CSMD1: variants seen among roughly 807,000 people sequenced by gnomAD.
CSMD1 encodes CUB and Sushi multiple domains 1, also known as CUB and sushi domain-containing protein 1.
A neutral mutation model predicts 417.5 loss-of-function variants in CSMD1; 213 were observed. The ratio of observed to expected loss-of-function variants is 0.51; its 90% confidence interval spans 0.46 to 0.57. CSMD1 has a LOEUF of 0.57. Among genes scored for constraint, CSMD1 ranks in the 20% least tolerant of loss-of-function variants. CSMD1 has a pLI of 0.00. For missense variants in CSMD1, 6,923 were observed against 4,529.7 expected (o/e 1.53, Z -15.17); for synonymous variants, 2,862 against 1,736.8 (o/e 1.65, Z -16.11).
intron 3 of CSMD1, among the ~76,000 whole-genome samples, chr8:4,200,895 A>G (rs975358611): frequency 6.6e-6 from 1 of 152,218 alleles, no homozygotes; most frequent in African/African-American, 2.4e-5. Flanking sequence ...CATCTTTAAG[A>G]AACGCTAAGC....
At chr8:3,694,656 C>G (rs1383222766) in intron 7 of CSMD1, among the ~76,000 whole-genome samples, 2 of 152,006 alleles carry the variant, frequency 1.3e-5, no homozygotes, top group African/African-American at 4.8e-5. Flanking sequence ...GTGGACACAG[C>G]AGTGGAGGAG....
At chr8:3,106,696 G>C in intron 45 of CSMD1, 55 bp from the exon 46 acceptor site, 1 of 1,056,164 alleles carries the variant, frequency 9.5e-7, no homozygotes, top group Non-Finnish European at 1.4e-6. Flanking sequence ...CTGAGTGTGT[G>C]AAGGTGTGAC....
intron 5 of CSMD1, among the ~76,000 whole-genome samples, chr8:3,860,630 T>C (rs1014556352): frequency 1.3e-5 from 2 of 152,138 alleles, no homozygotes; most frequent in Non-Finnish European, 2.9e-5. Flanking sequence ...TTAGTTACAG[T>C]CCATTAATTT....
intron 5 of CSMD1, among the ~76,000 whole-genome samples, chr8:3,977,919 G>C (rs571052973): frequency 9.2e-5 from 14 of 152,260 alleles, no homozygotes; most frequent in Admixed American, 5.9e-4. Flanking sequence ...TTTCATGTCA[G>C]CCACATCGTG....
chr8:4,347,642 G>C (rs142723052), intron 3 of CSMD1, among the ~76,000 whole-genome samples: 1 of 152,172 alleles, frequency 6.6e-6, no homozygotes, highest in South Asian at 2.1e-4. Flanking sequence ...GCAATGAAAG[G>C]AGGAGTGTAA....
chr8:3,960,258 C>G (rs1812233012), intron 5 of CSMD1, among the ~76,000 whole-genome samples: 1 of 152,172 alleles, frequency 6.6e-6, no homozygotes, highest in Non-Finnish European at 1.5e-5. Flanking sequence ...CTGGAAACAG[C>G]AAATCCTAAG....
At chr8:4,323,266 G>A (rs1350943767) in intron 3 of CSMD1, among the ~76,000 whole-genome samples, 3 of 152,148 alleles carry the variant, frequency 2.0e-5, no homozygotes, top group East Asian at 3.9e-4. Context: ...TTAAACGGAA[G>A]TTCTGTAGCA....
intron 26 of CSMD1, among the ~76,000 whole-genome samples, chr8:3,265,798 A>G (rs1801390553): frequency 6.6e-6 from 1 of 152,032 alleles, no homozygotes; most frequent in Admixed American, 6.5e-5. Flanking sequence ...CACCCTCCAC[A>G]CAGTCCTTCA....
At chr8:4,858,375 C>T (rs1363623237) in intron 1 of CSMD1, among the ~76,000 whole-genome samples, 1 of 151,572 alleles carries the variant, frequency 6.6e-6, no homozygotes, top group Non-Finnish European at 1.5e-5. Context: ...TGCCCTCTCT[C>T]ACCACTCCTA....
chr8:3,130,771 C>A (rs1367903101), intron 41 of CSMD1, among the ~76,000 whole-genome samples: 2 of 152,150 alleles, frequency 1.3e-5, no homozygotes, highest in Non-Finnish European at 2.9e-5. Flanking sequence ...CTAAACATCA[C>A]CCCAATCATT....
chr8:4,768,503 G>C (rs1341227743), intron 1 of CSMD1, among the ~76,000 whole-genome samples: 3 of 152,212 alleles, frequency 2.0e-5, no homozygotes, highest in Non-Finnish European at 4.4e-5. Flanking sequence ...CTCCTTAGCT[G>C]AGTTATTTGG....
chr8:3,732,435 G>C (rs987264212), intron 6 of CSMD1, among the ~76,000 whole-genome samples: 1 of 152,080 alleles, frequency 6.6e-6, no homozygotes, highest in Non-Finnish European at 1.5e-5. Flanking sequence ...AGTCATACTG[G>C]AAGGACTCAT....
rs556285182 is a variant in CSMD1 at position 3,628,796 on chromosome 8, G to C, written c.1010-11999C>G. 3.9e-5 allele frequency among the ~76,000 whole-genome samples: 6 copies of C among 152,232 alleles called. No homozygotes were observed. In the South Asian group the frequency reaches 1.0e-3, roughly 26 times the overall value. The stretch of plus-strand genomic sequence containing the variant: ...AAATTATTAGTGGCTTCCTAGTTTT[G>C]GCACACGTGTCCGAGCCAAGAACTC... On this transcript the variant is annotated intron_variant, in intron 7 of 69. Coordinates refer to ENST00000635120, the MANE Select transcript of CSMD1 (RefSeq NM_033225.6).
chr8:3,592,300 A>T (rs993167953), intron 8 of CSMD1, among the ~76,000 whole-genome samples: 1 of 152,140 alleles, frequency 6.6e-6, no homozygotes, highest in Admixed American at 6.5e-5. Context: ...CTTCAAACAT[A>T]TACTTCAGTA....
intron 2 of CSMD1, among the ~76,000 whole-genome samples, chr8:4,460,754 G>A (rs1418585414): frequency 1.3e-5 from 2 of 152,004 alleles, no homozygotes. Flanking sequence ...AACAACATCA[G>A]AATAGACCTC....
chr8:2,954,863 A>C (rs767810794), intron 64 of CSMD1, among the ~76,000 whole-genome samples: 1 of 152,244 alleles, frequency 6.6e-6, no homozygotes, highest in Non-Finnish European at 1.5e-5. Context: ...GTCTCTTTAA[A>C]ATCCCTAATA....
At chr8:4,882,247 G>A (rs1041654545) in intron 1 of CSMD1, among the ~76,000 whole-genome samples, 1 of 151,856 alleles carries the variant, frequency 6.6e-6, no homozygotes, top group Admixed American at 6.6e-5. Context: ...TACGTGCCCT[G>A]AGGGTGGATG....
intron 5 of CSMD1, among the ~76,000 whole-genome samples, chr8:3,787,072 G>A (rs1799492861): frequency 1.3e-5 from 2 of 152,134 alleles, no homozygotes; most frequent in African/African-American, 2.4e-5. Context: ...AGTTTAGAGT[G>A]TGTTTACAGA....
At chr8:3,181,244 A>C (rs1821304540) in intron 36 of CSMD1, 30 bp from the exon 37 acceptor site, 1 of 1,390,874 alleles carries the variant, frequency 7.2e-7, no homozygotes, top group African/African-American at 1.4e-5. Flanking sequence ...TAGAATTGTA[A>C]CACTACAAAT....
Sources: gnomAD v4.1 joint callset for allele counts (sites outside exome capture counted in the v4.1 genomes callset) on GRCh38, gnomAD v4.1.1 for gene constraint, MANE v1.5 for transcripts, NCBI Gene and HGNC (gene_info 2026-07-23, HGNC 2026-07-21) for gene names.